NRXN3: variants seen among roughly 807,000 people sequenced by gnomAD.
The protein encoded by NRXN3 is neurexin III.
NRXN3 carries 32 observed loss-of-function variants against 137.6 expected under a neutral mutation model. That is an observed-to-expected ratio of 0.23 (90% CI 0.18 to 0.31). NRXN3 has a LOEUF of 0.31. Among genes scored for constraint, NRXN3 ranks in the 10% least tolerant of loss-of-function variants. The pLI is 1.00. For missense variants in NRXN3, 1,574 were observed against 2,062.5 expected, an observed-to-expected ratio of 0.76 and a Z score of 4.59; for synonymous variants, 798 against 784.5, an observed-to-expected ratio of 1.02 and a Z score of -0.29.
chr14:78,602,809 A>G (rs1473001942), intron 4 of NRXN3, among the ~76,000 whole-genome samples: 1 of 152,182 alleles, frequency 6.6e-6, no homozygotes, highest in Admixed American at 6.5e-5. Flanking sequence ...ACTTGGGGAA[A>G]GCTGTGTCTC....
At chr14:79,645,337 A>G (rs2098448517) in intron 16 of NRXN3, among the ~76,000 whole-genome samples, 1 of 135,082 alleles carries the variant, frequency 7.4e-6, no homozygotes, top group Non-Finnish European at 1.7e-5. Context: ...GATTATTTAA[A>G]AGTTAAAAAT....
intron 15 of NRXN3, among the ~76,000 whole-genome samples, chr14:79,444,722 G>A (rs539819351): frequency 6.6e-6 from 1 of 152,130 alleles, no homozygotes. Context: ...CAGCTACTTG[G>A]GTGGCTGAGT....
chr14:78,488,732 A>G (rs574646554), intron 4 of NRXN3, among the ~76,000 whole-genome samples: 13 of 151,252 alleles, frequency 8.6e-5, no homozygotes, highest in African/African-American at 2.4e-4. Flanking sequence ...AAGGCAAAAG[A>G]AGAGAAGAAG....
At chr14:79,823,617 T>G (rs2099279519) in intron 20 of NRXN3, among the ~76,000 whole-genome samples, 1 of 152,150 alleles carries the variant, frequency 6.6e-6, no homozygotes, top group Non-Finnish European at 1.5e-5. Context: ...ATGCAGAGCA[T>G]GTATTACATT....
At chr14:79,632,745 A>C (rs2098368015) in intron 16 of NRXN3, among the ~76,000 whole-genome samples, 1 of 152,190 alleles carries the variant, frequency 6.6e-6, no homozygotes, top group African/African-American at 2.4e-5. Flanking sequence ...TAATCTTCAC[A>C]TTACTGCTAA....
chr14:78,377,303 A>G (rs953325222), intron 4 of NRXN3, among the ~76,000 whole-genome samples: 11 of 152,354 alleles, frequency 7.2e-5, no homozygotes, highest in African/African-American at 2.4e-4. Flanking sequence ...GACTGTTGCC[A>G]GAGACAAACA....
intron 6 of NRXN3, among the ~76,000 whole-genome samples, chr14:78,656,053 T>G (rs1299770749): frequency 1.3e-5 from 2 of 152,126 alleles, no homozygotes; most frequent in South Asian, 4.2e-4. Context: ...ACTGTCACAT[T>G]GTGGGTTAGA....
At chr14:78,769,223 A>C (rs2098719063) in intron 8 of NRXN3, among the ~76,000 whole-genome samples, 1 of 152,246 alleles carries the variant, frequency 6.6e-6, no homozygotes, top group Non-Finnish European at 1.5e-5. Context: ...TGTGATAGAA[A>C]CCAGGGACAA....
chr14:79,019,593 G>A (rs2099585307), intron 15 of NRXN3, among the ~76,000 whole-genome samples: 1 of 152,126 alleles, frequency 6.6e-6, no homozygotes, highest in African/African-American at 2.4e-5. Context: ...TCCGTGCTCG[G>A]GTGGAAGCAA....
At chr14:78,425,915 G>T (rs754258200) in intron 4 of NRXN3, among the ~76,000 whole-genome samples, 1 of 152,184 alleles carries the variant, frequency 6.6e-6, no homozygotes, top group African/African-American at 2.4e-5. Context: ...GGCCCAAGAA[G>T]TTATAAATAC....
intron 8 of NRXN3, among the ~76,000 whole-genome samples, chr14:78,792,799 A>G (rs2153055928): frequency 6.6e-6 from 1 of 152,340 alleles, no homozygotes; most frequent in East Asian, 1.9e-4. Context: ...GTGGGACAAG[A>G]ATTATCTGCA....
At chr14:79,738,201 T>C (rs1402611187) in intron 19 of NRXN3, among the ~76,000 whole-genome samples, 1 of 152,074 alleles carries the variant, frequency 6.6e-6, no homozygotes, top group East Asian at 1.9e-4. Context: ...TCTTTGTGAG[T>C]GTGATTAAGT....
At chr14:78,957,392 C>T (rs749085793) in intron 11 of NRXN3, 31 bp downstream of exon 11, 16 of 1,585,334 alleles carry the variant, frequency 1.0e-5, no homozygotes, top group Non-Finnish European at 1.2e-5. Context: ...ATTCGTCTGT[C>T]TTTTCTCTCA....
At chr14:79,508,389 G>GTTTTTTTTTTT (rs1567328889) in intron 16 of NRXN3, among the ~76,000 whole-genome samples, 1 of 12,558 alleles carries the variant, frequency 8.0e-5, no homozygotes, top group African/African-American at 3.3e-4. Context: ...AACAATAACT[G>GTTTTTTTTTTT]ATTTTTTTTT....
chr14:79,299,771 G>C (rs1310288085), intron 15 of NRXN3, among the ~76,000 whole-genome samples: 1 of 152,090 alleles, frequency 6.6e-6, no homozygotes, highest in African/African-American at 2.4e-5. Context: ...AAGATACCTA[G>C]ATGGAGGATT....
chr14:79,480,357 A>G lies in NRXN3; in HGVS notation c.3444+12955A>G, dbSNP rs371265809. 9.9e-5 allele frequency among the ~76,000 whole-genome samples: 15 copies of G among 152,250 alleles called. No homozygotes were observed. In the East Asian group the frequency reaches 1.5e-3, roughly 16 times the overall value. On this transcript the variant is annotated intron_variant, in intron 16 of 20. Coordinates refer to ENST00000335750, the MANE Select transcript of NRXN3 (RefSeq NM_001330195.2). ...CTAAACAGCAAAGCTTAAATTCAAT[A>G]CTAGAGCGTGAAAGAGGAAAATGAG... is the stretch of plus-strand genomic sequence containing the variant.
intron 10 of NRXN3, among the ~76,000 whole-genome samples, chr14:78,885,581 C>A (rs1488146840): frequency 6.6e-6 from 1 of 152,030 alleles, no homozygotes; most frequent in African/African-American, 2.4e-5. Flanking sequence ...GTTGTCTTTC[C>A]AAATTTGTAT....
intron 15 of NRXN3, among the ~76,000 whole-genome samples, chr14:79,392,356 G>A (rs2094876419): frequency 2.0e-5 from 3 of 152,266 alleles, no homozygotes; most frequent in East Asian, 1.9e-4. Flanking sequence ...AATATTCCAT[G>A]GTGTATATAC....
chr14:79,849,361 A>C (rs1342682929), intron 20 of NRXN3, among the ~76,000 whole-genome samples: 1 of 152,238 alleles, frequency 6.6e-6, no homozygotes, highest in Non-Finnish European at 1.5e-5. Flanking sequence ...TATATCTAGT[A>C]AGGGGCTAAC....
Sources: allele counts gnomAD v4.1 joint callset (sites outside exome capture counted in the v4.1 genomes callset), GRCh38; gene constraint gnomAD v4.1.1; transcripts MANE v1.5; gene names NCBI Gene and HGNC (gene_info 2026-07-23, HGNC 2026-07-21).